Variants in LRRC7 observed in about 807,000 individuals in gnomAD.
LRRC7 encodes the protein leucine rich repeat containing 7, also known as leucine-rich repeat-containing protein 7.
In LRRC7, 23 loss-of-function variants were observed where a neutral mutation model predicts 175.7. The ratio of observed to expected loss-of-function variants is 0.13; its 90% CI spans 0.09 to 0.19. The LOEUF (loss-of-function observed/expected upper bound fraction) is 0.19. LRRC7 is among the 10% of genes least tolerant of loss of function. LRRC7 has a pLI of 1.00. For missense variants in LRRC7, 1,354 were observed against 1,904.7 expected, an observed-to-expected ratio of 0.71 and a Z score of 5.38; for synonymous variants, 685 against 680.9, an observed-to-expected ratio of 1.01 and a Z score of -0.09.
intron 4 of LRRC7, among the ~76,000 whole-genome samples, chr1:69,821,652 C>T (rs190106272): frequency 4.6e-5 from 7 of 151,998 alleles, no homozygotes; most frequent in South Asian, 2.1e-4. Flanking sequence ...CCAGCACTTT[C>T]GGAGGTTGAG....
chr1:69,731,021 G>C (rs1236676712), intron 2 of LRRC7, among the ~76,000 whole-genome samples: 1 of 152,078 alleles, frequency 6.6e-6, no homozygotes, highest in Non-Finnish European at 1.5e-5. Flanking sequence ...TGAGATCTCG[G>C]CCGGGTGCAG....
chr1:69,761,108 C>A (rs866885474), intron 3 of LRRC7, among the ~76,000 whole-genome samples: 1 of 151,860 alleles, frequency 6.6e-6, no homozygotes, highest in Non-Finnish European at 1.5e-5. Flanking sequence ...TAAAGCAGAC[C>A]AAGACCACAC....
chr1:70,004,141 G>A (rs1655785019), intron 11 of LRRC7, among the ~76,000 whole-genome samples: 1 of 152,156 alleles, frequency 6.6e-6, no homozygotes, highest in South Asian at 2.1e-4. Flanking sequence ...CAACATTTCA[G>A]AGGTAAAATC....
chr1:69,690,861 TG>T (rs1469650999), intron 2 of LRRC7, among the ~76,000 whole-genome samples: 1 of 152,130 alleles, frequency 6.6e-6, no homozygotes, highest in Non-Finnish European at 1.5e-5. Context: ...AGTTGTTGGT[TG>T]AGGTAAGGAG....
intron 7 of LRRC7, among the ~76,000 whole-genome samples, chr1:69,907,198 A>G (rs927506644): frequency 7.9e-5 from 12 of 152,322 alleles, no homozygotes; most frequent in African/African-American, 2.6e-4. Context: ...CAATCATGTC[A>G]TCTGCAAACA....
At chr1:70,015,368 A>G (rs1044480241) in intron 13 of LRRC7, among the ~76,000 whole-genome samples, 3 of 152,138 alleles carry the variant, frequency 2.0e-5, no homozygotes, top group African/African-American at 7.2e-5. Context: ...AAAATTAACT[A>G]TAAAATTAAT....
At chr1:69,687,532 A>G (rs1446088407) in intron 2 of LRRC7, among the ~76,000 whole-genome samples, 3 of 138,276 alleles carry the variant, frequency 2.2e-5, no homozygotes, top group South Asian at 2.3e-4. Flanking sequence ...AAAAAAAAAA[A>G]AAAAAAGAAA....
At chr1:69,801,406 C>G (rs993156702) in intron 4 of LRRC7, among the ~76,000 whole-genome samples, 1 of 151,664 alleles carries the variant, frequency 6.6e-6, no homozygotes, top group African/African-American at 2.4e-5. Context: ...CATCATTGAT[C>G]TGTTCAGGAT....
intron 7 of LRRC7, among the ~76,000 whole-genome samples, chr1:69,929,378 C>G (rs1033625876): frequency 2.0e-5 from 3 of 152,164 alleles, no homozygotes; most frequent in Non-Finnish European, 2.9e-5. Flanking sequence ...TCCAGTCTAC[C>G]CAAAACCCTG....
chr1:69,592,548 C>A (rs922760322), intron 1 of LRRC7, among the ~76,000 whole-genome samples: 1 of 152,008 alleles, frequency 6.6e-6, no homozygotes, highest in African/African-American at 2.4e-5. Flanking sequence ...TGGCGAAGAT[C>A]GCCTGATTTG....
intron 1 of LRRC7, among the ~76,000 whole-genome samples, chr1:69,634,566 G>C (rs1207708260): frequency 6.6e-6 from 1 of 152,070 alleles, no homozygotes; most frequent in Non-Finnish European, 1.5e-5. Flanking sequence ...TTGAAACCTT[G>C]TAACTTTTAT....
At chr1:69,789,491 A>G (rs1274461906) in intron 3 of LRRC7, among the ~76,000 whole-genome samples, 1 of 152,060 alleles carries the variant, frequency 6.6e-6, no homozygotes, top group African/African-American at 2.4e-5. Flanking sequence ...AAGCTTTCGA[A>G]TCTTGAAAGA....
intron 4 of LRRC7, among the ~76,000 whole-genome samples, chr1:69,801,905 G>A (rs1676550787): frequency 6.7e-6 from 1 of 149,092 alleles, no homozygotes; most frequent in Non-Finnish European, 1.5e-5. Flanking sequence ...GTAAGTTTTG[G>A]TAGGTTGTGT....
intron 2 of LRRC7, among the ~76,000 whole-genome samples, chr1:69,751,447 C>T (rs190962635): frequency 6.6e-6 from 1 of 151,374 alleles, no homozygotes; most frequent in African/African-American, 2.4e-5. Flanking sequence ...AAAAGAAAGA[C>T]ATAAAATATT....
At chr1:69,637,080 T>TCTCTCTCTCTCTC (rs1553130024) in intron 1 of LRRC7, among the ~76,000 whole-genome samples, 2,507 of 148,590 alleles carry the variant, frequency 0.017, 36 homozygotes, top group South Asian at 0.023. Context: ...CCTTCTCTCT[T>TCTCTCTCTCTCTC]TCTCTCTCTC....
At chr1:69,694,374 C>A (rs1662286222) in intron 2 of LRRC7, among the ~76,000 whole-genome samples, 1 of 152,138 alleles carries the variant, frequency 6.6e-6, no homozygotes, top group Admixed American at 6.5e-5. Flanking sequence ...TCTCTAATTG[C>A]TCTCACTCTG....
intron 2 of LRRC7, among the ~76,000 whole-genome samples, chr1:69,679,079 A>G (rs1231744353): frequency 1.3e-5 from 2 of 152,114 alleles, no homozygotes; most frequent in Non-Finnish European, 2.9e-5. Flanking sequence ...AGAATATGCC[A>G]TTGGCTGTAG....
chr1:69,909,526 A>G (rs889099692), intron 7 of LRRC7, among the ~76,000 whole-genome samples: 2 of 151,990 alleles, frequency 1.3e-5, no homozygotes, highest in African/African-American at 2.4e-5. Context: ...TCCTTCACTT[A>G]TGAAGCTTAG....
At chr1:70,007,405 G>C (rs1255140431) in intron 11 of LRRC7, among the ~76,000 whole-genome samples, 1 of 151,844 alleles carries the variant, frequency 6.6e-6, no homozygotes, top group Non-Finnish European at 1.5e-5. Context: ...ATAATCAATG[G>C]GAAACATTAT....
Sources: gnomAD v4.1 joint callset for allele counts (sites outside exome capture counted in the v4.1 genomes callset) on GRCh38, gnomAD v4.1.1 for gene constraint, MANE v1.5 for transcripts, NCBI Gene and HGNC (gene_info 2026-07-23, HGNC 2026-07-21) for gene names.